CDH23: variants seen among roughly 807,000 people sequenced by gnomAD.
CDH23 encodes cadherin-23.
A neutral mutation model predicts 317.1 loss-of-function variants in CDH23; 189 were observed. The ratio of observed to expected loss-of-function variants is 0.60; its 90% CI spans 0.53 to 0.67. The LOEUF (loss-of-function observed/expected upper bound fraction) is 0.67, where lower values mean the gene tolerates loss of function less well. CDH23 is among the 30% of genes least tolerant of loss of function. CDH23 has a pLI of 0.00. For synonymous variants in CDH23, 1,839 were observed against 1,876.8 expected, an observed-to-expected ratio of 0.98 and a Z score of 0.52; for missense variants, 4,401 against 4,592.4, an observed-to-expected ratio of 0.96 and a Z score of 1.20.
chr10:71,584,815 T>C (rs1360591168), intron 9 of CDH23, among the ~76,000 whole-genome samples: 2 of 152,228 alleles, frequency 1.3e-5, no homozygotes, highest in East Asian at 1.9e-4. Context: ...CCACAGCTCC[T>C]GGCTTAGGGT....
At chr10:71,542,156 C>T (rs1248324405) in intron 6 of CDH23, among the ~76,000 whole-genome samples, 1 of 152,124 alleles carries the variant, frequency 6.6e-6, no homozygotes, top group African/African-American at 2.4e-5. Context: ...GTGTGAAGAC[C>T]CTCTCAGGAT....
At chr10:71,477,668 G>A (rs1174424548) in intron 3 of CDH23, among the ~76,000 whole-genome samples, 1 of 152,200 alleles carries the variant, frequency 6.6e-6, no homozygotes, top group African/African-American at 2.4e-5. Flanking sequence ...CGAGACATCT[G>A]CAAGCACCTC....
At chr10:71,467,550 G>A (rs1344688242) in intron 3 of CDH23, among the ~76,000 whole-genome samples, 1 of 152,134 alleles carries the variant, frequency 6.6e-6, no homozygotes, top group Non-Finnish European at 1.5e-5. Context: ...GAGGCAGTGC[G>A]CCATAGTGGT....
chr10:71,639,798 G>C (rs927057711), intron 11 of CDH23, among the ~76,000 whole-genome samples: 2 of 152,124 alleles, frequency 1.3e-5, no homozygotes, highest in African/African-American at 4.8e-5. Flanking sequence ...ACAGGACTGC[G>C]ATCAGTAGGG....
At chr10:71,522,849 C>T (rs998143520) in intron 6 of CDH23, among the ~76,000 whole-genome samples, 9 of 152,142 alleles carry the variant, frequency 5.9e-5, no homozygotes, top group South Asian at 2.1e-4. Flanking sequence ...CTTTTCCCCT[C>T]ATACTGTCTC....
intron 47 of CDH23, among the ~76,000 whole-genome samples, chr10:71,791,564 TTTTTC>T (rs1023613877): frequency 6.6e-6 from 1 of 151,868 alleles, no homozygotes; most frequent in Non-Finnish European, 1.5e-5. Context: ...CCTTTCTTTC[TTTTTC>T]TTTTCTTTTC....
chr10:71,445,748 T>C (rs1239862369), intron 2 of CDH23, among the ~76,000 whole-genome samples: 1 of 148,322 alleles, frequency 6.7e-6, no homozygotes, highest in Non-Finnish European at 1.5e-5. Flanking sequence ...ATTGGGAGGC[T>C]GAGGCAGGAA....
intron 9 of CDH23, among the ~76,000 whole-genome samples, chr10:71,593,684 A>T (rs1477639576): frequency 6.6e-6 from 1 of 152,240 alleles, no homozygotes; most frequent in Non-Finnish European, 1.5e-5. Flanking sequence ...TGGTGGACAC[A>T]TGTAAAGATG....
chr10:71,483,000 G>A (rs1852151109), intron 3 of CDH23, among the ~76,000 whole-genome samples: 1 of 152,244 alleles, frequency 6.6e-6, no homozygotes, highest in Non-Finnish European at 1.5e-5. Flanking sequence ...AGGACATTGA[G>A]AGGTGCAGTC....
intron 14 of CDH23, among the ~76,000 whole-genome samples, chr10:71,650,660 A>G (rs775753411): frequency 5.9e-5 from 9 of 152,200 alleles, no homozygotes; most frequent in Admixed American, 1.3e-4. Context: ...GTGTACATGT[A>G]TGTGCCTGTA....
chr10:71,809,175 T>TTTC (rs1841835896), intron 60 of CDH23, among the ~76,000 whole-genome samples: 1 of 125,940 alleles, frequency 7.9e-6, no homozygotes, highest in African/African-American at 2.9e-5. Flanking sequence ...TCCTTTTTTT[T>TTTC]TTTTTTTTTT....
chr10:71,702,428 G>A (rs950627104), intron 23 of CDH23, 121 bp from the exon 24 acceptor site: 31 of 1,320,438 alleles, frequency 2.3e-5, no homozygotes, highest in Non-Finnish European at 2.9e-5. Flanking sequence ...CTTCCTGGAG[G>A]GGCCTTTGGG....
At chr10:71,723,140 A>C (rs560390398) in intron 28 of CDH23, among the ~76,000 whole-genome samples, 3 of 152,280 alleles carry the variant, frequency 2.0e-5, no homozygotes, top group Admixed American at 6.5e-5. Context: ...ACCCAAAAGA[A>C]GTGGGAGAGC....
chr10:71,630,595 G>C (rs1055395177), intron 11 of CDH23, among the ~76,000 whole-genome samples: 1 of 152,246 alleles, frequency 6.6e-6, no homozygotes, highest in African/African-American at 2.4e-5. Flanking sequence ...CGGTAAAGCA[G>C]TCGATTCAGT....
At chr10:71,699,398 T>C (rs1442947082) in intron 22 of CDH23, among the ~76,000 whole-genome samples, 1 of 152,238 alleles carries the variant, frequency 6.6e-6, no homozygotes, top group Non-Finnish European at 1.5e-5. Flanking sequence ...ACCCCAGTGA[T>C]TTTCAGAGCT....
Position 71,803,245 on chromosome 10 carries a change from C to T in CDH23, c.7697C>T (p.Thr2566Ile), listed in dbSNP as rs780933028. Residue 2566 changes from threonine (T) to isoleucine (I), a missense_variant, in exon 55 of 70, where the codon ACC becomes ATC. By Grantham distance (89) the Thr-to-Ile change is moderately conservative (BLOSUM62 -1). Around this residue, in one of 3 missense-constraint regions of CDH23, gnomAD observed 1,144 missense variants for 1,138.2 expected, o/e 1.01. Coordinates refer to ENST00000224721, the MANE Select transcript of CDH23 (RefSeq NM_022124.6). The part of the protein sequence containing the change: ...FHVDMDSGLV[T>I]TQRPLQSYEK... ...GTGGACATGGACTCGGGCTTGGTGA[C>T]CACACAGCGGCCACTGCAGTCCTAC... 7 of 1,600,410 alleles carry T rather than the reference C, an allele frequency of 4.4e-6. No homozygotes were observed. The highest frequency in any genetic ancestry group is 3.4e-6 in the Non-Finnish European group (4 of 1,172,942).
intron 28 of CDH23, among the ~76,000 whole-genome samples, chr10:71,722,283 A>G (rs563062410): frequency 4.6e-5 from 7 of 152,198 alleles, no homozygotes; most frequent in African/African-American, 1.7e-4. Context: ...TCTACAAAAA[A>G]AATAATAATA....
intron 62 of CDH23, 100 bp downstream of exon 62, chr10:71,810,669 C>CAGTGGGCCTGATGGTGTGGT: frequency 1.9e-6 from 2 of 1,056,474 alleles, no homozygotes; most frequent in Non-Finnish European, 1.4e-6. Context: ...ACAGACCACA[C>CAGTGGGCCTGATGGTGTGGT]CATCAGGCCC....
intron 38 of CDH23, among the ~76,000 whole-genome samples, chr10:71,763,033 G>A (rs1840435994): frequency 6.6e-6 from 1 of 152,198 alleles, no homozygotes; most frequent in Non-Finnish European, 1.5e-5. Context: ...CCTCCTCTGT[G>A]CAGTGAGAAA....
Sources: gnomAD v4.1 joint callset for allele counts (sites outside exome capture counted in the v4.1 genomes callset) on GRCh38, gnomAD v4.1.1 for gene constraint, gnomAD v4.1.1 regional missense constraint, MANE v1.5 for transcripts, NCBI Gene and HGNC (gene_info 2026-07-23, HGNC 2026-07-21) for gene names.